Variants in FGGY observed in about 807,000 individuals in gnomAD.
FGGY encodes the protein FGGY carbohydrate kinase domain-containing protein.
A neutral mutation model predicts 71.3 loss-of-function variants in FGGY; 72 were observed. The observed-to-expected ratio is 1.01, with a 90% confidence interval of 0.84 to 1.23. The LOEUF (loss-of-function observed/expected upper bound fraction) is 1.23, where lower values mean the gene tolerates loss of function less well. Among genes scored for constraint, FGGY ranks in the 50% most tolerant of loss-of-function variants. The pLI is 0.00. For missense variants in FGGY, 668 were observed against 682.3 expected (o/e 0.98, Z 0.23); for synonymous variants, 251 against 250.3 (o/e 1.00, Z -0.02).
At chr1:59,508,901 A>C (rs1223153012) in intron 6 of FGGY, among the ~76,000 whole-genome samples, 1 of 152,180 alleles carries the variant, frequency 6.6e-6, no homozygotes, top group Non-Finnish European at 1.5e-5. Context: ...TTGGCTGTGA[A>C]AGAAGGAAGA....
intron 2 of FGGY, 49 bp downstream of exon 2, chr1:59,321,799 A>T: frequency 6.4e-7 from 1 of 1,551,606 alleles, no homozygotes; most frequent in South Asian, 1.2e-5. Context: ...CTACCTGCTG[A>T]GTGTCGTGTG....
intron 6 of FGGY, among the ~76,000 whole-genome samples, chr1:59,459,596 A>G (rs1342206488): frequency 6.6e-6 from 1 of 152,248 alleles, no homozygotes; most frequent in Non-Finnish European, 1.5e-5. Flanking sequence ...ATGATCCAAC[A>G]AACTGATCTG....
intron 7 of FGGY, among the ~76,000 whole-genome samples, chr1:59,529,502 C>A (rs1337032804): frequency 6.6e-6 from 1 of 152,060 alleles, no homozygotes; most frequent in Non-Finnish European, 1.5e-5. Context: ...GTAGAGTATT[C>A]TGGATGGAGA....
At chr1:59,361,235 A>T (rs2055446726) in intron 4 of FGGY, among the ~76,000 whole-genome samples, 1 of 152,220 alleles carries the variant, frequency 6.6e-6, no homozygotes, top group African/African-American at 2.4e-5. Flanking sequence ...TTTGTTCCAG[A>T]CACTTTGTTA....
chr1:59,461,372 A>G (rs1277948508), intron 6 of FGGY, among the ~76,000 whole-genome samples: 1 of 152,218 alleles, frequency 6.6e-6, no homozygotes, highest in Non-Finnish European at 1.5e-5. Context: ...GTTTAGAGAA[A>G]AAAGAGTAAC....
At chr1:59,406,505 G>C (rs1218548082) in intron 5 of FGGY, among the ~76,000 whole-genome samples, 1 of 152,182 alleles carries the variant, frequency 6.6e-6, no homozygotes, top group African/African-American at 2.4e-5. Context: ...TGTTTGATAA[G>C]CTTCATTCAG....
intron 5 of FGGY, among the ~76,000 whole-genome samples, chr1:59,443,892 G>A (rs1333731799): frequency 6.6e-6 from 1 of 152,196 alleles, no homozygotes; most frequent in Non-Finnish European, 1.5e-5. Context: ...GCTGGCACCA[G>A]GGCATGGGAC....
Position 59,731,531 on chromosome 1 carries a change from G to T in FGGY, c.1513-26400G>T, listed in dbSNP as rs138702197. On this transcript the variant is annotated intron_variant, in intron 14 of 15. Coordinates refer to ENST00000303721, the MANE Select transcript of FGGY (RefSeq NM_018291.5). Reference sequence around the variant, plus strand: ...CCTAACCTTAAGAAGGTTGTAGGGGGTTGGGTGATTAGCCAGTTCGTATTC... The same window carrying T: ...CCTAACCTTAAGAAGGTTGTAGGGGTTTGGGTGATTAGCCAGTTCGTATTC... Among the ~76,000 whole-genome samples the T allele has an allele frequency of 2.3e-4, 35 of 152,260 alleles. 1 individual carries two copies. The highest frequency in any genetic ancestry group is 4.6e-4 in the Non-Finnish European group (31 of 68,004).
intron 9 of FGGY, among the ~76,000 whole-genome samples, chr1:59,616,953 T>C (rs2096761825): frequency 6.6e-6 from 1 of 152,178 alleles, no homozygotes; most frequent in Non-Finnish European, 1.5e-5. Flanking sequence ...GATGGCCTTT[T>C]AATATGTTTT....
At chr1:59,421,014 T>TA (rs542857825) in intron 5 of FGGY, among the ~76,000 whole-genome samples, 27 of 147,926 alleles carry the variant, frequency 1.8e-4, no homozygotes, top group South Asian at 6.4e-4. Flanking sequence ...ATCATTAATT[T>TA]AAAAAAAAAA....
At chr1:59,408,353 A>G (rs2063074070) in intron 5 of FGGY, among the ~76,000 whole-genome samples, 1 of 152,210 alleles carries the variant, frequency 6.6e-6, no homozygotes, top group African/African-American at 2.4e-5. Flanking sequence ...ATAATAACCA[A>G]AAGCACTCAG....
In FGGY at chr1:59,445,748, G is replaced by A. The variant is rs145646326; in HGVS notation, c.555-11213G>A. Among the ~76,000 whole-genome samples, 629 of 152,298 alleles carry A rather than the reference G, an allele frequency of 4.1e-3. 3 individuals carry two copies. Among genetic ancestry groups the A allele is most frequent in the African/African-American group, 0.014 (583 of 41,564 alleles). ...TATTTTTCCTTTGTTAAAAAAAGGA[G>A]ATAACAGACAAGAAAAACACGAGAA... On this transcript the variant is annotated intron_variant, in intron 5 of 15. Coordinates refer to ENST00000303721, the MANE Select transcript of FGGY (RefSeq NM_018291.5).
chr1:59,578,737 T>A (rs534489270), intron 8 of FGGY, among the ~76,000 whole-genome samples: 1 of 152,170 alleles, frequency 6.6e-6, no homozygotes, highest in Admixed American at 6.5e-5. Flanking sequence ...AGAGCTGTTT[T>A]TTCCTGCACA....
chr1:59,310,963 A>G (rs1453499776), intron 1 of FGGY, among the ~76,000 whole-genome samples: 1 of 152,238 alleles, frequency 6.6e-6, no homozygotes, highest in Non-Finnish European at 1.5e-5. Context: ...CTACATTACA[A>G]TACATTGTGC....
intron 6 of FGGY, among the ~76,000 whole-genome samples, chr1:59,482,596 G>C (rs866786512): frequency 2.1e-5 from 3 of 143,474 alleles, no homozygotes; most frequent in Non-Finnish European, 4.6e-5. Flanking sequence ...GTGTGTCTGT[G>C]TGTGTATATA....
chr1:59,652,112 C>G (rs1002398470), intron 11 of FGGY, among the ~76,000 whole-genome samples: 1 of 152,190 alleles, frequency 6.6e-6, no homozygotes, highest in East Asian at 1.9e-4. Context: ...GGGTTTCTGC[C>G]GAGAGATCAG....
rs1191093085 is a variant in FGGY at position 59,623,976 on chromosome 1, C to T, written c.1012-2012C>T. ...AAATTAGCATCAAATCAAGTAATGCCTCTAATTATCCATTACTGTTCCCAG... is the reference window on the plus strand; with the variant it reads ...AAATTAGCATCAAATCAAGTAATGCTTCTAATTATCCATTACTGTTCCCAG... On this transcript the variant is annotated intron_variant, in intron 9 of 15. Coordinates refer to ENST00000303721, the MANE Select transcript of FGGY (RefSeq NM_018291.5). Among the ~76,000 whole-genome samples the T allele has an allele frequency of 2.0e-5, 3 of 152,104 alleles. No homozygotes were observed. In the East Asian group the frequency reaches 5.8e-4, roughly 29 times the overall value.
chr1:59,717,258 A>G (rs2097852211), intron 14 of FGGY, among the ~76,000 whole-genome samples: 2 of 152,102 alleles, frequency 1.3e-5, no homozygotes, highest in Admixed American at 6.6e-5. Context: ...TTTATAGGGT[A>G]ATCTATATAC....
chr1:59,728,427 A>G (rs1022707491), intron 14 of FGGY, among the ~76,000 whole-genome samples: 11 of 152,036 alleles, frequency 7.2e-5, no homozygotes, highest in African/African-American at 2.7e-4. Context: ...ACATATAATT[A>G]TAGATCAATT....
Sources: gnomAD v4.1 joint callset for allele counts (sites outside exome capture counted in the v4.1 genomes callset) on GRCh38, gnomAD v4.1.1 for gene constraint, MANE v1.5 for transcripts, NCBI Gene and HGNC (gene_info 2026-07-23, HGNC 2026-07-21) for gene names.